NDEL1: variants seen among roughly 807,000 people sequenced by gnomAD.
NDEL1 encodes nuclear distribution protein nudE-like 1.
NDEL1 carries 9 observed loss-of-function variants against 45.7 expected under a neutral mutation model. The ratio of observed to expected loss-of-function variants is 0.20; its 90% confidence interval spans 0.12 to 0.34. The LOEUF is 0.34. Ranked by LOEUF, NDEL1 falls within the 10% of genes least tolerant of loss-of-function variation. The pLI, the probability that NDEL1 is intolerant of heterozygous loss-of-function variation, is 1.00. For synonymous variants in NDEL1, 133 were observed against 158.6 expected, an observed-to-expected ratio of 0.84 and a Z score of 1.21; for missense variants, 306 against 406.2, an observed-to-expected ratio of 0.75 and a Z score of 2.12.
At chr17:8,432,332 TATATATTATATATAAATATAAATATAA>T (rs1909023389), upstream of NDEL1, among the ~76,000 whole-genome samples, 3 of 94,432 alleles carry the variant, frequency 3.2e-5, no homozygotes, top group South Asian at 1.2e-3. Flanking sequence ...TATATAAATA[TATATATTATATATAAATATAAATATAA>T]ATATATATAT....
chr17:8,455,305 G>T (rs949385745), intron 7 of NDEL1, among the ~76,000 whole-genome samples: 2 of 152,180 alleles, frequency 1.3e-5, no homozygotes, highest in Non-Finnish European at 2.9e-5. Flanking sequence ...TCTACTTTTA[G>T]TCTTGCCCAC....
chr17:8,429,681 G>T (rs539753228), intron 1 of NDEL1, among the ~76,000 whole-genome samples: 1 of 152,112 alleles, frequency 6.6e-6, no homozygotes, highest in Non-Finnish European at 1.5e-5. Context: ...GACCTAGAGA[G>T]GTGATCCATA....
In NDEL1 at chr17:8,462,901, A is replaced by G. The variant is rs1482731463; in HGVS notation, c.944+2741A>G. 1.4e-4 allele frequency: 22 copies of G among 160,218 alleles called. No individual in the cohort carries two copies. The South Asian group carries it at 1.6e-3, about 12-fold the overall frequency. The allele number at this position is 160,218 out of a possible 1,614,324, so 9.9% of individuals were successfully genotyped here. A position where few individuals can be genotyped will look rare whatever the true frequency, so the allele number is the denominator to read the frequency against. On this transcript the variant is annotated intron_variant, in intron 8 of 8. Coordinates refer to ENST00000334527, the MANE Select transcript of NDEL1 (RefSeq NM_030808.5). The stretch of plus-strand genomic sequence containing the variant: ...GAAGCCTTCTCACATAAAACAATAT[A>G]CCTTAACTGGGCGTATTGCTCTGTG...
chr17:8,432,586 G>C (rs565451743), upstream of NDEL1, among the ~76,000 whole-genome samples: 1 of 151,384 alleles, frequency 6.6e-6, no homozygotes, highest in African/African-American at 2.4e-5. Flanking sequence ...GGTTTTCACC[G>C]TGTTAGCCAG....
chr17:8,471,819 G>A (rs1259316955), downstream of NDEL1, among the ~76,000 whole-genome samples: 5 of 152,178 alleles, frequency 3.3e-5, no homozygotes, highest in African/African-American at 1.2e-4. Flanking sequence ...GGACTTCTCT[G>A]TCTGGTCCTG....
chr17:8,454,848 A>G lies in NDEL1; in HGVS notation c.753A>G (p.Ser251=). The change falls in exon 7 of 9, where the codon TCA becomes TCG. Residue 251 remains serine (S), a synonymous_variant. Coordinates refer to ENST00000334527, the MANE Select transcript of NDEL1 (RefSeq NM_030808.5). ...TSPLTPSARI[S]ALNIVGDLLR... ...CACTAACTCCCTCTGCTAGGATATC[A>G]GCACTAAACATCGTGGGGGATCTCT... 1 of 1,614,026 alleles carries G rather than the reference A, an allele frequency of 6.2e-7. No homozygotes were observed. Among genetic ancestry groups the G allele is most frequent in the Non-Finnish European group, 8.5e-7 (1 of 1,179,944 alleles).
downstream of NDEL1, among the ~76,000 whole-genome samples, chr17:8,470,501 G>C (rs1008514900): frequency 6.6e-6 from 1 of 152,172 alleles, no homozygotes; most frequent in East Asian, 1.9e-4. This position sits in a 1 kb window ranked among gnomAD's most constrained non-coding sequence, Gnocchi z 4.2. Context: ...CCTGACCAAC[G>C]CAGCTGAGAC....
intron 1 of NDEL1, among the ~76,000 whole-genome samples, chr17:8,416,632 T>C (rs1265524079): frequency 4.6e-5 from 7 of 152,210 alleles, no homozygotes; most frequent in Admixed American, 2.0e-4. Flanking sequence ...TGAAATTTCA[T>C]CTGTGGGTGT....
chr17:8,473,116 G>C (rs1016554538), downstream of NDEL1, among the ~76,000 whole-genome samples: 2 of 152,158 alleles, frequency 1.3e-5, no homozygotes, highest in Admixed American at 1.3e-4. Context: ...CACACAGATT[G>C]TTTCTCCTGG....
chr17:8,466,993 A>G lies in NDEL1; in HGVS notation c.1008A>G (p.Ser336=). 1.9e-6 allele frequency: 3 copies of G among 1,614,068 alleles called. No homozygotes were observed. Among genetic ancestry groups the G allele is most frequent in the Non-Finnish European group, 2.5e-6 (3 of 1,180,010 alleles). The change falls in exon 9 of 9, where the codon TCA becomes TCG. Residue 336 remains serine, a synonymous_variant. Transcript: ENST00000334527. ...PPGLGSSRPS[S]APGMLPLSV ...GTCTGGGCTCCTCGCGTCCATCGTC[A>G]GCGCCGGGTATGCTGCCTCTCAGTG... is the stretch of plus-strand genomic sequence containing the variant.
In NDEL1 at chr17:8,414,341, G is replaced by GT. The variant is rs368515680; in HGVS notation, c.-13+1076dup. 5.0e-3 allele frequency among the ~76,000 whole-genome samples: 755 copies of GT among 152,290 alleles called. 10 individuals carry two copies. Among genetic ancestry groups the GT allele is most frequent in the African/African-American group, 0.017 (715 of 41,544 alleles). ...AGGTGAAAGGTTGTACATATATTTA[G>GT]TTTTCATTCATTTGTCCAGATTCCC... is the stretch of plus-strand genomic sequence containing the variant. On this transcript the variant is annotated intron_variant, in intron 1 of 4. Coordinates refer to the NDEL1 transcript ENST00000582812.
intron 3 of NDEL1, among the ~76,000 whole-genome samples, chr17:8,473,584 C>G (rs1176327950): frequency 2.0e-5 from 3 of 152,134 alleles, no homozygotes; most frequent in Admixed American, 1.3e-4. Flanking sequence ...AAGCACCATA[C>G]CTGTGACTCA....
At chr17:8,426,136 T>C (rs1249435470) in intron 1 of NDEL1, among the ~76,000 whole-genome samples, 9 of 152,250 alleles carry the variant, frequency 5.9e-5, no homozygotes, top group Admixed American at 5.9e-4. Flanking sequence ...TTTTTGTTTT[T>C]TCATTTTTAG....
chr17:8,443,140 C>T (rs1001821069), intron 1 of NDEL1, among the ~76,000 whole-genome samples: 4 of 152,138 alleles, frequency 2.6e-5, no homozygotes, highest in African/African-American at 9.7e-5. Context: ...TAGGTTGAAT[C>T]AATTATGGTT....
intron 1 of NDEL1, 149 bp from the exon 2 acceptor site, chr17:8,444,111 G>A (rs755546854): frequency 3.5e-6 from 2 of 568,014 alleles, no homozygotes; most frequent in East Asian, 3.0e-5. Flanking sequence ...AGTGATTGAC[G>A]TGCCTGAGTT....
intron 3 of NDEL1, 47 bp from the exon 4 acceptor site, chr17:8,446,707 A>C (rs2151718516): frequency 1.9e-6 from 3 of 1,586,818 alleles, no homozygotes; most frequent in South Asian, 1.1e-5. Flanking sequence ...TTTAGTAAAG[A>C]GAACTGTATA....
At chr17:8,428,676 T>C (rs1200459702) in intron 1 of NDEL1, among the ~76,000 whole-genome samples, 1 of 150,608 alleles carries the variant, frequency 6.6e-6, no homozygotes, top group Non-Finnish European at 1.5e-5. Flanking sequence ...AGTGTATATT[T>C]TTAAGATTTT....
intron 6 of NDEL1, among the ~76,000 whole-genome samples, chr17:8,453,463 T>C (rs1455205495): frequency 6.6e-6 from 1 of 152,238 alleles, no homozygotes; most frequent in East Asian, 1.9e-4. Context: ...TTGCCCCCTC[T>C]TACATATGGG....
At chr17:8,420,545 C>T (rs1481044920) in intron 1 of NDEL1, among the ~76,000 whole-genome samples, 1 of 152,244 alleles carries the variant, frequency 6.6e-6, no homozygotes, top group Non-Finnish European at 1.5e-5. Flanking sequence ...AAAGTCACCA[C>T]TGGCCACTGA....
Sources: gnomAD v4.1 joint callset for allele counts (sites outside exome capture counted in the v4.1 genomes callset) on GRCh38, gnomAD v4.1.1 for gene constraint, Gnocchi (gnomAD v3.1) non-coding constraint, MANE v1.5 for transcripts, NCBI Gene and HGNC (gene_info 2026-07-23, HGNC 2026-07-21) for gene names.